Variants in TIAM2 observed in about 807,000 individuals in gnomAD.
The protein encoded by TIAM2 is TIAM Rac1 associated GEF 2.
A neutral mutation model predicts 152.9 loss-of-function variants in TIAM2; 80 were observed. That is an observed-to-expected ratio of 0.52 (90% CI 0.44 to 0.63). The LOEUF is 0.63. TIAM2 is among the 30% of genes least tolerant of loss of function. The pLI, the probability that TIAM2 is intolerant of heterozygous loss-of-function variation, is 0.00. For synonymous variants in TIAM2, 804 were observed against 838.0 expected, an observed-to-expected ratio of 0.96 and a Z score of 0.70; for missense variants, 1,965 against 2,120.1, an observed-to-expected ratio of 0.93 and a Z score of 1.44.
intron 4 of TIAM2, among the ~76,000 whole-genome samples, chr6:155,135,903 G>GA (rs1191198459): frequency 2.0e-5 from 3 of 151,920 alleles, no homozygotes; most frequent in Non-Finnish European, 2.9e-5. Context: ...TATTAATTAT[G>GA]AAAAAAACTG....
intron 4 of TIAM2, 27 bp from the exon 5 acceptor site, chr6:155,137,150 A>T: frequency 6.2e-7 from 1 of 1,602,962 alleles, no homozygotes; most frequent in African/African-American, 1.3e-5. Context: ...GTAAGCTCTG[A>T]TGGGTGATCA....
At chr6:155,241,893 T>C (rs988648850) in intron 16 of TIAM2, among the ~76,000 whole-genome samples, 5 of 152,240 alleles carry the variant, frequency 3.3e-5, no homozygotes, top group Non-Finnish European at 7.3e-5. Context: ...AGAGCCCTTC[T>C]GACATCTTGA....
At chr6:155,212,269 C>T (rs1362544670) in intron 15 of TIAM2, among the ~76,000 whole-genome samples, 3 of 152,160 alleles carry the variant, frequency 2.0e-5, no homozygotes, top group Non-Finnish European at 4.4e-5. Flanking sequence ...AGGAACAGCC[C>T]ATGGTCTCCC....
intron 1 of TIAM2, among the ~76,000 whole-genome samples, chr6:155,059,386 C>T (rs1045043270): frequency 4.6e-5 from 7 of 151,850 alleles, no homozygotes; most frequent in African/African-American, 9.7e-5. Context: ...TGCAGTGGCA[C>T]GATCTCATCT....
chr6:155,068,090 C>T (rs1038432729), intron 1 of TIAM2, among the ~76,000 whole-genome samples: 3 of 152,186 alleles, frequency 2.0e-5, no homozygotes, highest in African/African-American at 7.2e-5. Context: ...TAGACAGTTA[C>T]ACCCATCAGT....
chr6:155,229,960 C>T (rs954241086), intron 15 of TIAM2, among the ~76,000 whole-genome samples: 1 of 152,054 alleles, frequency 6.6e-6, no homozygotes, highest in Non-Finnish European at 1.5e-5. Flanking sequence ...AACCCACCCC[C>T]ATGATTCAAT....
intron 15 of TIAM2, among the ~76,000 whole-genome samples, chr6:155,221,845 T>G (rs1272999334): frequency 6.6e-6 from 1 of 152,186 alleles, no homozygotes; most frequent in Non-Finnish European, 1.5e-5. Context: ...CTTGATATAA[T>G]TTTGCTTTCT....
intron 13 of TIAM2, among the ~76,000 whole-genome samples, chr6:155,182,942 C>T (rs536600719): frequency 3.9e-5 from 6 of 152,170 alleles, no homozygotes; most frequent in Non-Finnish European, 1.5e-5. Context: ...AAATACTATA[C>T]ATTTTGGCCC....
At chr6:155,238,003 T>C (rs1313185856) in intron 15 of TIAM2, among the ~76,000 whole-genome samples, 1 of 152,262 alleles carries the variant, frequency 6.6e-6, no homozygotes, top group Non-Finnish European at 1.5e-5. Context: ...TTCTTTGCTA[T>C]TGCATTGTCA....
intron 1 of TIAM2, among the ~76,000 whole-genome samples, chr6:155,043,980 A>C (rs942401460): frequency 6.6e-6 from 1 of 152,164 alleles, no homozygotes; most frequent in East Asian, 1.9e-4. Context: ...CATAGTTTTG[A>C]AGGATTGCAG....
At chr6:155,125,778 C>T (rs1033071542) in intron 2 of TIAM2, among the ~76,000 whole-genome samples, 2 of 151,644 alleles carry the variant, frequency 1.3e-5, no homozygotes, top group Non-Finnish European at 2.9e-5. Flanking sequence ...GCGGAGGTTG[C>T]AGTGAGCCGA....
chr6:155,120,957 A>T (rs1201506501), intron 2 of TIAM2, among the ~76,000 whole-genome samples: 1 of 152,230 alleles, frequency 6.6e-6, no homozygotes, highest in Admixed American at 6.5e-5. Flanking sequence ...AACGTGAGTT[A>T]TCTACTAATG....
At chr6:155,101,803 C>G (rs996651112) in intron 2 of TIAM2, among the ~76,000 whole-genome samples, 20 of 152,030 alleles carry the variant, frequency 1.3e-4, no homozygotes, top group Non-Finnish European at 2.5e-4. Context: ...CTCTGCCTCT[C>G]GGGTTCTCCT....
intron 1 of TIAM2, among the ~76,000 whole-genome samples, chr6:155,068,956 C>T (rs1398656295): frequency 6.6e-6 from 1 of 151,970 alleles, no homozygotes; most frequent in Non-Finnish European, 1.5e-5. Flanking sequence ...CTTGCTCCAT[C>T]GCCCAGGCTG....
At chr6:155,100,991 T>C (rs1778537815) in intron 2 of TIAM2, among the ~76,000 whole-genome samples, 1 of 152,148 alleles carries the variant, frequency 6.6e-6, no homozygotes, top group Non-Finnish European at 1.5e-5. Context: ...GGCCAATGAA[T>C]TGCACGTCAG....
intron 1 of TIAM2, among the ~76,000 whole-genome samples, chr6:155,040,668 G>A (rs538253446): frequency 1.2e-4 from 18 of 152,110 alleles, no homozygotes; most frequent in Admixed American, 2.0e-4. Flanking sequence ...ACAGGTATGC[G>A]CTACCACACC....
rs1562300122 is a variant in TIAM2, at chr6:155,047,694, A to AG, written c.-208-42594dup. Among the ~76,000 whole-genome samples the AG allele has an allele frequency of 5.0e-3, 38 of 7,552 alleles. 3 individuals are homozygous for AG. The highest frequency in any genetic ancestry group is 0.013 in the African/African-American group (35 of 2,702). 5.0% of individuals were successfully genotyped at this position (7,552 alleles called of 152,430 possible). A position where few individuals can be genotyped will look rare whatever the true frequency, so the allele number is the denominator to read the frequency against. ...AGAGAGAGAGAGAGAGAGAGGAGAG[A>AG]GAGAGAGAGAGCGAGAGAGAGAGAG... On this transcript the variant is annotated intron_variant, in intron 1 of 26. Coordinates refer to ENST00000682666, the MANE Select transcript of TIAM2 (RefSeq NM_012454.4).
chr6:155,064,393 TA>T, intron 1 of TIAM2, among the ~76,000 whole-genome samples: 2 of 152,334 alleles, frequency 1.3e-5, no homozygotes, highest in Admixed American at 1.3e-4. Context: ...TAAACGTGGC[TA>T]AAAAATCAAA....
chr6:155,037,677 G>A (rs897325433), intron 1 of TIAM2, among the ~76,000 whole-genome samples: 2 of 152,020 alleles, frequency 1.3e-5, no homozygotes, highest in Non-Finnish European at 2.9e-5. Context: ...TAACAGGCAC[G>A]CACCACCACG....
Sources: allele counts gnomAD v4.1 joint callset (sites outside exome capture counted in the v4.1 genomes callset), GRCh38; gene constraint gnomAD v4.1.1; transcripts MANE v1.5; gene names NCBI Gene and HGNC (gene_info 2026-07-23, HGNC 2026-07-21).